SYNJ1: variants seen among roughly 807,000 people sequenced by gnomAD.
SYNJ1 encodes the protein polyphosphatidylinositol phosphatase SYNJ1.
Under a neutral mutation model 168.2 loss-of-function variants are expected in SYNJ1, and 78 were observed. The observed-to-expected ratio is 0.46, with a 90% CI of 0.39 to 0.56. The LOEUF is 0.56. Among genes scored for constraint, SYNJ1 ranks in the 20% least tolerant of loss-of-function variants. The pLI is 0.00. For missense variants in SYNJ1, 1,303 were observed against 1,597.6 expected, an observed-to-expected ratio of 0.82 and a Z score of 3.14; for synonymous variants, 539 against 548.6, an observed-to-expected ratio of 0.98 and a Z score of 0.24.
At chr21:32,701,299 G>A (rs1404809229) in intron 3 of SYNJ1, among the ~76,000 whole-genome samples, 1 of 152,074 alleles carries the variant, frequency 6.6e-6, no homozygotes, top group Admixed American at 6.6e-5. Context: ...ACACCAGAAT[G>A]GAAATCAACT....
intron 14 of SYNJ1, chr21:32,670,841 T>G: frequency 1.0e-6 from 1 of 982,668 alleles, no homozygotes; most frequent in Non-Finnish European, 1.2e-6. Flanking sequence ...ATTTTCTGGG[T>G]GAAAGAAATC....
At chr21:32,635,014 G>T in intron 31 of SYNJ1, 130 bp from the exon 32 acceptor site, 1 of 886,856 alleles carries the variant, frequency 1.1e-6, no homozygotes, top group Non-Finnish European at 1.8e-6. Flanking sequence ...AGCAATATTT[G>T]CAGGTTGTAA....
At position 32,673,388 on chromosome 21, in the gene SYNJ1, C is replaced by G. The variant is rs767862852; in HGVS notation, c.1678G>C (p.Asp560His). 11 of 1,613,386 alleles carry G rather than the reference C, an allele frequency of 6.8e-6. No individual in the cohort carries two copies. Among genetic ancestry groups the G allele is most frequent in the East Asian group, 2.2e-5 (1 of 44,818 alleles). ...SIAFKNQTLT[D>H]WLLDAPKLAG... ...AACTTGGGTGCATCAAGAAGCCAGTCAGTGAGTGTCTGATTCTTAAAAGCT... is the reference window on the plus strand; with the variant it reads ...AACTTGGGTGCATCAAGAAGCCAGTGAGTGAGTGTCTGATTCTTAAAAGCT... The change falls in exon 14 of 33, where the codon GAC becomes CAC. Residue 560 changes from aspartate (D) to histidine (H), a missense_variant. This residue lies in a region of SYNJ1 where 920 missense variants were observed against 1,208.8 expected (regional missense o/e 0.76). Coordinates refer to ENST00000674351, the MANE Select transcript of SYNJ1 (RefSeq NM_203446.3).
intron 23 of SYNJ1, among the ~76,000 whole-genome samples, chr21:32,647,067 C>T (rs952490235): frequency 6.6e-6 from 1 of 152,178 alleles, no homozygotes; most frequent in African/African-American, 2.4e-5. Context: ...CCACAAAGAC[C>T]CGCTTTGCTT....
chr21:32,665,675 T>A (rs1258673162), intron 17 of SYNJ1, among the ~76,000 whole-genome samples: 1 of 152,172 alleles, frequency 6.6e-6, no homozygotes, highest in Non-Finnish European at 1.5e-5. Flanking sequence ...AAGCAAACTG[T>A]ACCCCCGACC....
intron 2 of SYNJ1, among the ~76,000 whole-genome samples, chr21:32,723,158 G>A (rs1569140299): frequency 1.3e-5 from 2 of 152,182 alleles, no homozygotes; most frequent in African/African-American, 2.4e-5. Context: ...GAGTCTTGAG[G>A]CTGCATTAGT....
At chr21:32,721,853 T>C (rs2043234747) in intron 2 of SYNJ1, among the ~76,000 whole-genome samples, 1 of 152,170 alleles carries the variant, frequency 6.6e-6, no homozygotes, top group Non-Finnish European at 1.5e-5. Context: ...AATATACATC[T>C]TTTATATCAG....
intron 12 of SYNJ1, 120 bp from the exon 13 acceptor site, chr21:32,676,475 A>G: frequency 1.1e-6 from 1 of 873,628 alleles, no homozygotes; most frequent in Non-Finnish European, 1.8e-6. Flanking sequence ...TGATGACTTT[A>G]TTTTTTTCTG....
intron 6 of SYNJ1, 27 bp downstream of exon 6, chr21:32,694,200 CA>C: frequency 6.7e-7 from 1 of 1,490,622 alleles, no homozygotes. Context: ...GTTCAAAAAA[CA>C]AAAATAACTG....
At chr21:32,678,272 G>A (rs977090440) in intron 12 of SYNJ1, among the ~76,000 whole-genome samples, 2 of 151,938 alleles carry the variant, frequency 1.3e-5, no homozygotes, top group African/African-American at 2.4e-5. Context: ...ACCAATATAG[G>A]CATTAGTTTT....
At chr21:32,641,653 A>C (rs556936500) in intron 29 of SYNJ1, among the ~76,000 whole-genome samples, 2 of 152,356 alleles carry the variant, frequency 1.3e-5, no homozygotes, top group South Asian at 2.1e-4. Flanking sequence ...TAAGATATTT[A>C]TTTAGTGACC....
rs2043486648 is a variant in SYNJ1 at position 32,727,014 on chromosome 21, ATGGGGGGT to A, written c.-22-105_-22-98del. ...AAAAGTCCCTCCCCGCCAGGTTTTG[ATGGGGGGT>A]TGGGGTGGGAAAAAACAGACAGCTC... On this transcript the variant is annotated intron_variant, in intron 1 of 32. Transcript: ENST00000674351. 5 of 1,516,018 alleles carry A rather than the reference ATGGGGGGT, an allele frequency of 3.3e-6. No individual in the cohort carries two copies. The Admixed American group carries it at 1.0e-4, about 31-fold the overall frequency. 93.9% of individuals were successfully genotyped at this position (1,516,018 alleles called of 1,614,324 possible).
intron 2 of SYNJ1, among the ~76,000 whole-genome samples, chr21:32,719,197 T>G (rs1043999643): frequency 2.1e-4 from 32 of 152,258 alleles, no homozygotes; most frequent in Admixed American, 6.5e-5. Flanking sequence ...AGCTGCATAT[T>G]TTAAACAGAA....
intron 18 of SYNJ1, among the ~76,000 whole-genome samples, chr21:32,661,861 G>A (rs2040716694): frequency 6.6e-6 from 1 of 152,080 alleles, no homozygotes; most frequent in Non-Finnish European, 1.5e-5. Context: ...TTGAGTTACA[G>A]TGACAGCTAC....
In SYNJ1 at chr21:32,727,917, A is replaced by C. The variant is rs112423827; in HGVS notation, c.-23+29T>G. On this transcript the variant is annotated intron_variant, in intron 1 of 32. Transcript: ENST00000674351. The stretch of plus-strand genomic sequence containing the variant: ...GGCTGCCCGTGGGTCTGGCCGCAGC[A>C]GCTCCCCGCCCCCCGCCGGCTTGCT... 4.4e-4 allele frequency: 672 copies of C among 1,531,528 alleles called. 3 individuals carry two copies. In the African/African-American group the frequency reaches 5.2e-3, roughly 12 times the overall value. 94.9% of individuals were successfully genotyped at this position (1,531,528 alleles called of 1,614,324 possible). A position where few individuals can be genotyped will look rare whatever the true frequency, so the allele number is the denominator to read the frequency against.
chr21:32,666,166 T>G (rs772969976), intron 16 of SYNJ1, 31 bp from the exon 17 acceptor site: 1 of 1,572,410 alleles, frequency 6.4e-7, no homozygotes, highest in East Asian at 2.3e-5. Context: ...AATCGCAGAT[T>G]TGAAATTTCA....
chr21:32,714,165 C>A (rs561520702), intron 2 of SYNJ1, among the ~76,000 whole-genome samples: 2 of 152,122 alleles, frequency 1.3e-5, no homozygotes, highest in Admixed American at 1.3e-4. Flanking sequence ...AAGACCCTGA[C>A]GCCAGAAAGA....
intron 6 of SYNJ1, among the ~76,000 whole-genome samples, chr21:32,689,430 G>A (rs1455559227): frequency 1.3e-5 from 2 of 152,182 alleles, no homozygotes; most frequent in Non-Finnish European, 2.9e-5. Context: ...CCGAGTGGCT[G>A]GGACTACAGG....
chr21:32,723,359 GT>G (rs2043319818), intron 2 of SYNJ1, among the ~76,000 whole-genome samples: 1 of 152,220 alleles, frequency 6.6e-6, no homozygotes, highest in Non-Finnish European at 1.5e-5. Flanking sequence ...TAAAATGTCT[GT>G]TTAAAATTTA....
Sources: gnomAD v4.1 joint callset for allele counts (sites outside exome capture counted in the v4.1 genomes callset) on GRCh38, gnomAD v4.1.1 for gene constraint, gnomAD v4.1.1 regional missense constraint, MANE v1.5 for transcripts, NCBI Gene and HGNC (gene_info 2026-07-23, HGNC 2026-07-21) for gene names.